Variants in NF1 observed in about 807,000 individuals in gnomAD.
NF1 encodes neurofibromin.
Under a neutral mutation model 325.7 loss-of-function variants are expected in NF1, and 122 were observed. The ratio of observed to expected loss-of-function variants is 0.37; its 90% CI spans 0.32 to 0.44. The LOEUF is 0.44. NF1 is among the 20% of genes least tolerant of loss of function. The probability of loss-of-function intolerance (pLI) is 1.00; values close to 1 mark genes in which losing one functional copy is unlikely to be tolerated. For synonymous variants in NF1, 1,091 were observed against 1,186.0 expected, an observed-to-expected ratio of 0.92 and a Z score of 1.65; for missense variants, 2,140 against 3,415.4, an observed-to-expected ratio of 0.63 and a Z score of 9.31.
At chr17:31,317,408 T>A (rs2069052267) in intron 36 of NF1, among the ~76,000 whole-genome samples, 1 of 128,734 alleles carries the variant, frequency 7.8e-6, no homozygotes, top group South Asian at 2.6e-4. Flanking sequence ...CACACACCCC[T>A]AATAAATCAT....
intron 36 of NF1, among the ~76,000 whole-genome samples, chr17:31,292,191 T>C (rs142265989): frequency 6.6e-6 from 1 of 152,246 alleles, no homozygotes; most frequent in African/African-American, 2.4e-5. Context: ...AGCCAAGCCT[T>C]AGAGATGGAT....
intron 36 of NF1, chr17:31,295,792 T>C (rs747606220): frequency 1.2e-6 from 2 of 1,614,224 alleles, no homozygotes; most frequent in Non-Finnish European, 8.5e-7. Context: ...GAAGAATTTG[T>C]GTCAAAGAAT....
intron 1 of NF1, among the ~76,000 whole-genome samples, chr17:31,112,273 G>A (rs149629943): frequency 1.1e-4 from 17 of 152,200 alleles, no homozygotes; most frequent in Non-Finnish European, 2.5e-4. Context: ...CATTTCTCTT[G>A]AGTAAATACA....
intron 5 of NF1, among the ~76,000 whole-genome samples, chr17:31,173,505 G>A (rs1238641294): frequency 6.6e-6 from 1 of 151,984 alleles, no homozygotes; most frequent in Non-Finnish European, 1.5e-5. Flanking sequence ...CCGAGGCACA[G>A]CAGAATCGCT....
intron 36 of NF1, chr17:31,297,589 T>C (rs778038031): frequency 1.4e-4 from 22 of 152,198 alleles, no homozygotes; most frequent in Non-Finnish European, 2.8e-4. Context: ...TTTTACATGT[T>C]GAAAATAAAT....
At chr17:31,121,635 G>C (rs921460525) in intron 1 of NF1, among the ~76,000 whole-genome samples, 1 of 151,948 alleles carries the variant, frequency 6.6e-6, no homozygotes, top group East Asian at 1.9e-4. Context: ...TATCATGAAG[G>C]GGTGTTGAAT....
chr17:31,360,603 A>G lies in NF1; in HGVS notation c.8277A>G (p.Thr2759=). 6.2e-7 allele frequency: 1 copy of G among 1,614,062 alleles called. No individual in the cohort carries two copies. Among genetic ancestry groups the G allele is most frequent in the Non-Finnish European group, 8.5e-7 (1 of 1,179,970 alleles). ...ETSEESLLTP[T]SPYPPALQSQ... ...GTGAAGAATCCCTCCTGACTCCCAC[A>G]TCTCCTTACCCTCCTGCACTGCAGA... Residue 2759 remains threonine, a synonymous_variant, in exon 57 of 58, where the codon ACA becomes ACG. Transcript: ENST00000358273.
intron 35 of NF1, among the ~76,000 whole-genome samples, chr17:31,263,107 GTAGA>G (rs1163819126): frequency 0.01 from 630 of 60,102 alleles, 12 homozygotes; most frequent in South Asian, 0.05. Flanking sequence ...AGGTAGGTAG[GTAGA>G]TAGATAGATA....
chr17:31,283,973 T>G (rs1206667680), intron 36 of NF1, among the ~76,000 whole-genome samples: 1 of 152,252 alleles, frequency 6.6e-6, no homozygotes, highest in African/African-American at 2.4e-5. Context: ...GTAAAGCAAG[T>G]CTTTGCCTTG....
Position 31,305,402 on chromosome 17 carries a change from A to T in NF1, c.4836-20418A>T. ...GCAGTGACTTTGGCAGGTGATATTG[A>T]TTGTCCAGAAAAAGTGTCGCTGAAT... On this transcript the variant is annotated intron_variant, in intron 36 of 57. Coordinates refer to ENST00000358273, the MANE Select transcript of NF1 (RefSeq NM_001042492.3). The T allele has an allele frequency of 6.2e-7, 1 of 1,614,146 alleles. No homozygotes were observed.
intron 13 of NF1, 74 bp from the exon 14 acceptor site, chr17:31,218,927 ACTGT>A (rs1405996621): frequency 2.2e-6 from 3 of 1,382,496 alleles, no homozygotes; most frequent in Non-Finnish European, 3.0e-6. Context: ...TTTAGCAGTC[ACTGT>A]CTATTTCTTC....
At chr17:31,314,640 T>C (rs889188815) in intron 36 of NF1, among the ~76,000 whole-genome samples, 2 of 152,212 alleles carry the variant, frequency 1.3e-5, no homozygotes, top group Non-Finnish European at 2.9e-5. Context: ...AGGATCTCAT[T>C]CTTTTTTATG....
At chr17:31,181,346 G>A (rs900947949) in intron 5 of NF1, 76 bp from the exon 6 acceptor site, 1 of 1,344,422 alleles carries the variant, frequency 7.4e-7, no homozygotes, top group Non-Finnish European at 1.1e-6. Context: ...TACGTAAATG[G>A]AAAGTTATTT....
intron 5 of NF1, among the ~76,000 whole-genome samples, chr17:31,173,772 T>A (rs2065972440): frequency 6.6e-6 from 1 of 152,208 alleles, no homozygotes; most frequent in South Asian, 2.1e-4. Flanking sequence ...CAGTTTTAGA[T>A]CTTCTGAGTT....
At chr17:31,131,558 A>G (rs1915394021) in intron 1 of NF1, among the ~76,000 whole-genome samples, 2 of 152,066 alleles carry the variant, frequency 1.3e-5, no homozygotes, top group Admixed American at 1.3e-4. Flanking sequence ...CCTCTGGGAG[A>G]TGTTCCTACT....
At chr17:31,290,869 G>A (rs2068331366) in intron 36 of NF1, among the ~76,000 whole-genome samples, 1 of 152,128 alleles carries the variant, frequency 6.6e-6, no homozygotes, top group Admixed American at 6.5e-5. Flanking sequence ...AGCTGGGCAT[G>A]GTGGCACATA....
At chr17:31,373,946 A>G (rs2070693519) in intron 57 of NF1, 67 bp from the exon 58 acceptor site, 4 of 1,599,212 alleles carry the variant, frequency 2.5e-6, no homozygotes, top group East Asian at 2.2e-5. Flanking sequence ...TAAGCGACAC[A>G]TGACTGCAAT....
chr17:31,303,425 CAG>C (rs1280473300), intron 36 of NF1, among the ~76,000 whole-genome samples: 1 of 151,986 alleles, frequency 6.6e-6, no homozygotes. Context: ...TGGATAGCAT[CAG>C]AAAGTATAAG....
At chr17:31,103,046 A>C (rs1912498761) in intron 1 of NF1, among the ~76,000 whole-genome samples, 1 of 151,784 alleles carries the variant, frequency 6.6e-6, no homozygotes, top group South Asian at 2.1e-4. Flanking sequence ...AGGGTTCGCC[A>C]TGTTAGCTGG....
Sources: allele counts gnomAD v4.1 joint callset (sites outside exome capture counted in the v4.1 genomes callset), GRCh38; gene constraint gnomAD v4.1.1; transcripts MANE v1.5; gene names NCBI Gene and HGNC (gene_info 2026-07-23, HGNC 2026-07-21).